NUDCD3: variants seen among roughly 807,000 people sequenced by gnomAD.
The protein encoded by NUDCD3 is nudC domain-containing protein 3.
Under a neutral mutation model 39.7 loss-of-function variants are expected in NUDCD3, and 13 were observed. That is an observed-to-expected ratio of 0.33 (90% confidence interval 0.21 to 0.52). NUDCD3 has a LOEUF of 0.52. Ranked by LOEUF, NUDCD3 falls within the 20% of genes least tolerant of loss-of-function variation. The probability of loss-of-function intolerance (pLI) is 0.96; values close to 1 mark genes in which losing one functional copy is unlikely to be tolerated. For missense variants in NUDCD3, 453 were observed against 458.1 expected (o/e 0.99, Z 0.10); for synonymous variants, 175 against 172.4 (o/e 1.02, Z -0.12).
intron 1 of NUDCD3, among the ~76,000 whole-genome samples, chr7:44,487,460 G>GA (rs34196298): frequency 0.15 from 20,281 of 139,540 alleles, 1,790 homozygotes; most frequent in Non-Finnish European, 0.21. Flanking sequence ...GTTAGGGACA[G>GA]AAAAAAAAAA....
At chr7:44,427,840 A>G (rs924505329) in intron 2 of NUDCD3, 137 bp from the exon 3 acceptor site, 26 of 801,458 alleles carry the variant, frequency 3.2e-5, no homozygotes, top group African/African-American at 5.2e-5. Flanking sequence ...TGGCTCTGGC[A>G]TCTGCAAACT....
intron 4 of NUDCD3, among the ~76,000 whole-genome samples, chr7:44,395,988 A>G (rs552342419): frequency 6.6e-6 from 1 of 152,254 alleles, no homozygotes; most frequent in East Asian, 1.9e-4. Context: ...AGGAACTACC[A>G]TACTATTTTC....
At chr7:44,474,902 G>C (rs1430925935) in intron 2 of NUDCD3, among the ~76,000 whole-genome samples, 1 of 152,152 alleles carries the variant, frequency 6.6e-6, no homozygotes, top group African/African-American at 2.4e-5. Context: ...TATGACACAA[G>C]ATGACACTGA....
chr7:44,399,461 T>G (rs1232275066), intron 4 of NUDCD3, among the ~76,000 whole-genome samples: 1 of 152,216 alleles, frequency 6.6e-6, no homozygotes, highest in African/African-American at 2.4e-5. Context: ...TATGAAGAAG[T>G]ATGTTAAGTA....
At chr7:44,457,607 C>T (rs774923298) in intron 2 of NUDCD3, among the ~76,000 whole-genome samples, 5 of 152,050 alleles carry the variant, frequency 3.3e-5, no homozygotes, top group Admixed American at 2.0e-4. Context: ...TTTTAAACTA[C>T]GAAACTAATG....
chr7:44,455,269 G>A (rs1799870110), intron 2 of NUDCD3, among the ~76,000 whole-genome samples: 1 of 151,978 alleles, frequency 6.6e-6, no homozygotes, highest in Non-Finnish European at 1.5e-5. Flanking sequence ...TGCTTCTTAT[G>A]TGCATAAAGA....
At chr7:44,429,834 A>G (rs1291425653) in intron 2 of NUDCD3, among the ~76,000 whole-genome samples, 1 of 152,196 alleles carries the variant, frequency 6.6e-6, no homozygotes, top group Non-Finnish European at 1.5e-5. Flanking sequence ...AAGGAAACTA[A>G]AGAATGCTCA....
intron 1 of NUDCD3, among the ~76,000 whole-genome samples, chr7:44,487,735 G>A (rs567807194): frequency 9.9e-5 from 15 of 151,414 alleles, no homozygotes; most frequent in African/African-American, 3.6e-4. Context: ...GTGATCACCT[G>A]AGGTCAGGAG....
chr7:44,396,590 CT>C (rs999659412), intron 4 of NUDCD3, among the ~76,000 whole-genome samples: 4 of 150,776 alleles, frequency 2.7e-5, no homozygotes, highest in South Asian at 4.2e-4. Flanking sequence ...AACTCCAGAC[CT>C]TTTTTTTTAA....
intron 3 of NUDCD3, among the ~76,000 whole-genome samples, chr7:44,412,926 C>CAAAAAAAAAAAAAAAAAAA (rs767754442): frequency 4.6e-5 from 2 of 43,878 alleles, no homozygotes; most frequent in African/African-American, 7.9e-5. Flanking sequence ...GACGCCGTCT[C>CAAAAAAAAAAAAAAAAAAA]AAAAAAAAAA....
At chr7:44,387,674 G>A (rs1460656863) in intron 5 of NUDCD3, among the ~76,000 whole-genome samples, 2 of 152,190 alleles carry the variant, frequency 1.3e-5, no homozygotes, top group African/African-American at 4.8e-5. Flanking sequence ...CTGGGAACCC[G>A]GGTTGCTGCA....
intron 2 of NUDCD3, among the ~76,000 whole-genome samples, chr7:44,449,692 C>A (rs563980890): frequency 1.3e-5 from 2 of 152,224 alleles, no homozygotes; most frequent in African/African-American, 4.8e-5. Context: ...GAACTTCAAG[C>A]CGTATCTTGC....
chr7:44,384,345 T>G lies in NUDCD3; in HGVS notation c.*1666A>C, dbSNP rs1026533143. The G allele has an allele frequency of 2.0e-5, 3 of 152,104 alleles. No homozygotes were observed. The highest frequency in any genetic ancestry group is 7.2e-5 in the African/African-American group (3 of 41,410). 9.4% of individuals were successfully genotyped at this position (152,104 alleles called of 1,614,324 possible). On this transcript the variant is annotated 3_prime_UTR_variant, in exon 6 of 6. Coordinates refer to ENST00000355451, the MANE Select transcript of NUDCD3 (RefSeq NM_015332.4). Reference sequence around the variant, plus strand: ...GACAAGTCTTTCTCAGGACCCCTCATAGATGACAAGAATTCTGCTCCCCAG... The same window carrying G: ...GACAAGTCTTTCTCAGGACCCCTCAGAGATGACAAGAATTCTGCTCCCCAG...
intron 2 of NUDCD3, among the ~76,000 whole-genome samples, chr7:44,473,496 A>G (rs181185320): frequency 6.6e-4 from 100 of 152,326 alleles, no homozygotes; most frequent in Non-Finnish European, 1.3e-3. Context: ...GTATTCAGTC[A>G]GTGTCAGCTG....
In NUDCD3 at chr7:44,427,172, T is replaced by TTAGGGAAAC. The variant is rs1256537052; in HGVS notation, c.642+398_642+399insGTTTCCCTA. Among the ~76,000 whole-genome samples the TTAGGGAAAC allele has an allele frequency of 2.0e-5, 3 of 152,272 alleles. No homozygotes were observed. The East Asian group carries it at 5.8e-4, about 29-fold the overall frequency. On this transcript the variant is annotated intron_variant, in intron 3 of 5. Coordinates refer to ENST00000355451, the MANE Select transcript of NUDCD3 (RefSeq NM_015332.4). The stretch of plus-strand genomic sequence containing the variant: ...AGGGAAACTGAAGGCAGATTTAATC[T>TTAGGGAAAC]TTAGGAAAAAAGAGAATTCACCAAG...
At chr7:44,454,314 G>A (rs1799851204) in intron 2 of NUDCD3, among the ~76,000 whole-genome samples, 1 of 152,158 alleles carries the variant, frequency 6.6e-6, no homozygotes, top group South Asian at 2.1e-4. Context: ...ACTCCAGCCT[G>A]GGTGACGGAG....
At chr7:44,426,523 G>A (rs1217116295) in intron 3 of NUDCD3, among the ~76,000 whole-genome samples, 2 of 152,184 alleles carry the variant, frequency 1.3e-5, no homozygotes, top group Non-Finnish European at 2.9e-5. Context: ...GAGGCCGGGC[G>A]CGGTGGCTCA....
At chr7:44,413,281 T>C (rs1368619798) in intron 3 of NUDCD3, 1 of 152,080 alleles carries the variant, frequency 6.6e-6, no homozygotes, top group South Asian at 2.1e-4. Flanking sequence ...GGAGACTCCA[T>C]TTCTACAAAA....
intron 2 of NUDCD3, among the ~76,000 whole-genome samples, chr7:44,445,206 G>T (rs936756786): frequency 1.3e-5 from 2 of 152,194 alleles, no homozygotes; most frequent in African/African-American, 4.8e-5. Flanking sequence ...TGCAACAGCT[G>T]CCTGGTATGT....
Sources: gnomAD v4.1 joint callset for allele counts (sites outside exome capture counted in the v4.1 genomes callset) on GRCh38, gnomAD v4.1.1 for gene constraint, MANE v1.5 for transcripts, NCBI Gene and HGNC (gene_info 2026-07-23, HGNC 2026-07-21) for gene names.